The following GARNL3 variants were observed in gnomAD, a reference collection of about 807,000 sequenced individuals.
GARNL3 encodes the protein GTPase activating Rap/RanGAP domain like 3.
A neutral mutation model predicts 125.0 loss-of-function variants in GARNL3; 63 were observed. That is an observed-to-expected ratio of 0.50 (90% CI 0.41 to 0.62). GARNL3 has a LOEUF of 0.62. Ranked by LOEUF, GARNL3 falls within the 20% of genes least tolerant of loss-of-function variation. GARNL3 has a pLI of 0.00. For synonymous variants in GARNL3, 439 were observed against 457.5 expected (o/e 0.96, Z 0.52); for missense variants, 994 against 1,244.0 (o/e 0.80, Z 3.02).
intron 2 of GARNL3, among the ~76,000 whole-genome samples, chr9:127,306,644 G>A (rs1417154670): frequency 2.6e-5 from 4 of 151,810 alleles, no homozygotes; most frequent in East Asian, 1.9e-4. Flanking sequence ...GGAGAATGGC[G>A]TGAACCCGGG....
chr9:127,260,937 C>T (rs1393326513), upstream of GARNL3, among the ~76,000 whole-genome samples: 1 of 152,170 alleles, frequency 6.6e-6, no homozygotes, highest in East Asian at 1.9e-4. Flanking sequence ...CATATCAGAG[C>T]CCAGTGAGGC....
At chr9:127,376,095 G>T (rs1831889311) in intron 22 of GARNL3, among the ~76,000 whole-genome samples, 1 of 152,098 alleles carries the variant, frequency 6.6e-6, no homozygotes, top group African/African-American at 2.4e-5. Context: ...AGTAGGCTGG[G>T]ATTACAGGCA....
intron 1 of GARNL3, among the ~76,000 whole-genome samples, chr9:127,289,044 A>G (rs2064334079): frequency 6.6e-6 from 1 of 152,048 alleles, no homozygotes; most frequent in Admixed American, 6.6e-5. Context: ...TACCAGTAAC[A>G]CTCTACCTGA....
chr9:127,253,797 A>G (rs1564851319), intron 2 of GARNL3, among the ~76,000 whole-genome samples: 4 of 152,140 alleles, frequency 2.6e-5, no homozygotes, highest in South Asian at 2.1e-4. Context: ...ATGGATTTCA[A>G]TTCAATATAG....
At chr9:127,368,254 G>A (rs1296935305) in intron 22 of GARNL3, among the ~76,000 whole-genome samples, 1 of 151,662 alleles carries the variant, frequency 6.6e-6, no homozygotes, top group African/African-American at 2.4e-5. Context: ...GACTGCGTAT[G>A]TCTGATGAGA....
intron 16 of GARNL3, among the ~76,000 whole-genome samples, chr9:127,347,492 A>C (rs1830205259): frequency 6.6e-6 from 1 of 152,182 alleles, no homozygotes; most frequent in Non-Finnish European, 1.5e-5. Flanking sequence ...GGGGTTTCAC[A>C]GACCTCCTTG....
At chr9:127,277,937 T>C (rs984199004) in intron 1 of GARNL3, among the ~76,000 whole-genome samples, 1 of 152,174 alleles carries the variant, frequency 6.6e-6, no homozygotes, top group African/African-American at 2.4e-5. Context: ...AGGCAGAGAT[T>C]ATGGTGCTTT....
chr9:127,326,715 G>A (rs925065440), intron 7 of GARNL3, among the ~76,000 whole-genome samples: 2 of 152,160 alleles, frequency 1.3e-5, no homozygotes, highest in African/African-American at 4.8e-5. Flanking sequence ...GCCTACCAAT[G>A]TGGTGGTATT....
At chr9:127,255,057 G>C (rs970801676) in intron 2 of GARNL3, among the ~76,000 whole-genome samples, 1 of 152,178 alleles carries the variant, frequency 6.6e-6, no homozygotes, top group African/African-American at 2.4e-5. Context: ...TCATGAGAGG[G>C]TAAATTGGCG....
In GARNL3 at chr9:127,388,932, G is replaced by T. The variant is rs766630247; in HGVS notation, c.2556G>T (p.Lys852Asn). ...EGEIQSKNLYKIPLRNLVGRS... is the reference protein window; with the variant it reads ...EGEIQSKNLYNIPLRNLVGRS... ...AAATTCAATCAAAAAATCTGTACAAGATTCCACTTAGAAACCTCGTGGGCA... is the reference window on the plus strand; with the variant it reads ...AAATTCAATCAAAAAATCTGTACAATATTCCACTTAGAAACCTCGTGGGCA... Residue 852 changes from lysine to asparagine, a missense_variant, in exon 26 of 28, where the codon AAG becomes AAT. This residue lies in a region of GARNL3 where 728 missense variants were observed against 865.7 expected (regional missense o/e 0.84). Transcript: ENST00000373387. 3 of 1,611,332 alleles carry T rather than the reference G, an allele frequency of 1.9e-6. No homozygotes were observed. Among genetic ancestry groups the T allele is most frequent in the Non-Finnish European group, 2.5e-6 (3 of 1,177,426 alleles).
chr9:127,263,429 G>A (rs1258523943), upstream of GARNL3, among the ~76,000 whole-genome samples: 1 of 152,170 alleles, frequency 6.6e-6, no homozygotes, highest in African/African-American at 2.4e-5. Flanking sequence ...CAGCCATTGG[G>A]CATCCGCTCT....
At chr9:127,386,010 T>G (rs575635407) in intron 24 of GARNL3, among the ~76,000 whole-genome samples, 1 of 152,372 alleles carries the variant, frequency 6.6e-6, no homozygotes, top group South Asian at 2.1e-4. Flanking sequence ...TGATTGTAAA[T>G]AGCTTACAAT....
At chr9:127,372,005 T>C (rs1050153076) in intron 22 of GARNL3, among the ~76,000 whole-genome samples, 22 of 152,320 alleles carry the variant, frequency 1.4e-4, no homozygotes, top group South Asian at 2.1e-4. Flanking sequence ...CGATTTTGGC[T>C]CACGGAAACC....
At chr9:127,366,697 A>C (rs905534079) in intron 22 of GARNL3, 2 of 152,246 alleles carry the variant, frequency 1.3e-5, no homozygotes, top group Admixed American at 1.3e-4. Context: ...AGGTTTTTAG[A>C]GTGGGAGAAT....
At chr9:127,287,983 C>T (rs992603263) in intron 1 of GARNL3, among the ~76,000 whole-genome samples, 6 of 152,156 alleles carry the variant, frequency 3.9e-5, no homozygotes, top group Admixed American at 6.5e-5. Flanking sequence ...TTCATCTATT[C>T]CCATATTTCT....
rs375663535 is a variant in GARNL3, at chr9:127,349,020, G to A, written c.1528G>A (p.Val510Ile). The A allele has an allele frequency of 6.0e-5, 96 of 1,611,954 alleles. 1 individual carries two copies. Among genetic ancestry groups the A allele is most frequent in the Middle Eastern group, 3.3e-4 (2 of 6,032 alleles). The change falls in exon 17 of 28, where the codon GTC becomes ATC. Residue 510 changes from valine to isoleucine, a missense_variant. Coordinates refer to ENST00000373387, the MANE Select transcript of GARNL3 (RefSeq NM_032293.5). ...CTTGCTGGTTTCCACTGATGCTGGC[G>A]TCTTGCTAGTGGATGGTTAGTGAGT... is the stretch of plus-strand genomic sequence containing the variant. ...QALLVSTDAG[V>I]LLVDDDLPSV... is the part of the protein sequence containing the mutation.
intron 5 of GARNL3, among the ~76,000 whole-genome samples, chr9:127,318,976 C>T (rs983231460): frequency 6.6e-6 from 1 of 152,174 alleles, no homozygotes; most frequent in Non-Finnish European, 1.5e-5. Flanking sequence ...GACTCCAGAG[C>T]TTGGGCTGTT....
chr9:127,249,041 C>T (rs1207747977), intron 2 of GARNL3, among the ~76,000 whole-genome samples: 1 of 152,148 alleles, frequency 6.6e-6, no homozygotes, highest in Non-Finnish European at 1.5e-5. Flanking sequence ...GATTTTTGGG[C>T]TGGGGCTGGG....
intron 22 of GARNL3, among the ~76,000 whole-genome samples, chr9:127,381,844 A>G (rs1409039375): frequency 1.3e-5 from 2 of 150,086 alleles, no homozygotes; most frequent in African/African-American, 2.5e-5. Context: ...TGACCTTGTG[A>G]TCCTCCCGCC....
Sources: gnomAD v4.1 joint callset for allele counts (sites outside exome capture counted in the v4.1 genomes callset) on GRCh38, gnomAD v4.1.1 for gene constraint, gnomAD v4.1.1 regional missense constraint, MANE v1.5 for transcripts, NCBI Gene and HGNC (gene_info 2026-07-23, HGNC 2026-07-21) for gene names.